The following RBM47 variants were observed in gnomAD, a reference collection of about 807,000 sequenced individuals.
The protein encoded by RBM47 is RNA binding motif protein 47, also known as RNA-binding protein 47.
Under a neutral mutation model 47.1 loss-of-function variants are expected in RBM47, and 21 were observed. The ratio of observed to expected loss-of-function variants is 0.45; its 90% CI spans 0.32 to 0.64. The LOEUF (loss-of-function observed/expected upper bound fraction) is 0.64. Among genes scored for constraint, RBM47 ranks in the 30% least tolerant of loss-of-function variants. RBM47 has a pLI of 0.05. For synonymous variants in RBM47, 375 were observed against 361.7 expected (o/e 1.04, Z -0.42); for missense variants, 708 against 870.9 (o/e 0.81, Z 2.35).
chr4:40,459,333 CAA>C (rs1428297576), intron 3 of RBM47, among the ~76,000 whole-genome samples: 1 of 152,182 alleles, frequency 6.6e-6, no homozygotes, highest in African/African-American at 2.4e-5. Flanking sequence ...GACAAAGCTA[CAA>C]AAAGAGTTTC....
intron 2 of RBM47, among the ~76,000 whole-genome samples, chr4:40,517,324 A>G (rs1725699377): frequency 2.0e-5 from 3 of 152,110 alleles, no homozygotes; most frequent in African/African-American, 7.2e-5. Context: ...TTTAGTAGAG[A>G]CAGGGTTTCA....
chr4:40,544,864 A>G (rs748975854), intron 1 of RBM47, among the ~76,000 whole-genome samples: 4 of 151,988 alleles, frequency 2.6e-5, no homozygotes, highest in African/African-American at 4.8e-5. Flanking sequence ...TAAGCCCAGG[A>G]ATTTGAGACC....
At chr4:40,604,546 G>A (rs1049760566) in intron 1 of RBM47, among the ~76,000 whole-genome samples, 21 of 152,190 alleles carry the variant, frequency 1.4e-4, no homozygotes, top group African/African-American at 4.6e-4. Context: ...AGGATTGCTT[G>A]AGCCTGGGAG....
chr4:40,432,631 G>A lies in RBM47; in HGVS notation c.1542+20C>T. On this transcript the variant is annotated intron_variant, in intron 6 of 6. Transcript: ENST00000295971. ...AGAGGCTTCACACACAAATGACAAT[G>A]CCTGCAATAAGAACTCTACCTGGAA... The A allele has an allele frequency of 3.1e-6, 5 of 1,610,202 alleles. No individual in the cohort carries two copies. The highest frequency in any genetic ancestry group is 4.2e-6 in the Non-Finnish European group (5 of 1,179,340).
intron 1 of RBM47, among the ~76,000 whole-genome samples, chr4:40,572,125 GT>G: frequency 1.3e-5 from 2 of 148,728 alleles, no homozygotes; most frequent in South Asian, 4.2e-4. Context: ...GGCTCACCCT[GT>G]AATCCCAGCA....
chr4:40,592,752 C>A (rs903880681), intron 1 of RBM47, among the ~76,000 whole-genome samples: 2 of 149,784 alleles, frequency 1.3e-5, no homozygotes, highest in African/African-American at 4.9e-5. Flanking sequence ...AGAGACAGGG[C>A]CTCGCTATGT....
intron 3 of RBM47, among the ~76,000 whole-genome samples, chr4:40,458,053 TCTC>T (rs1262894845): frequency 2.0e-5 from 3 of 152,224 alleles, no homozygotes; most frequent in Admixed American, 1.3e-4. Flanking sequence ...ATGCTAGTCT[TCTC>T]CTCCTAATTT....
At chr4:40,577,579 C>T (rs988586153) in intron 1 of RBM47, among the ~76,000 whole-genome samples, 1 of 151,782 alleles carries the variant, frequency 6.6e-6, no homozygotes, top group African/African-American at 2.4e-5. Context: ...CTATTTATTC[C>T]CTGTTCCAAT....
In RBM47 at chr4:40,467,819, C is replaced by A. The variant is rs376212307; in HGVS notation, c.-154-1120G>T. Among the ~76,000 whole-genome samples, 84 of 152,254 alleles carry A rather than the reference C, an allele frequency of 5.5e-4. 1 individual carries two copies. In the East Asian group the frequency reaches 0.013, roughly 24 times the overall value. ...AATATAATCTGCCTGATTTTCCAAA[C>A]TACAGAGAGCCCCCATCAAGCCAAC... On this transcript the variant is annotated intron_variant, in intron 2 of 6. Transcript: ENST00000295971.
In RBM47 at chr4:40,437,846, C is replaced by T. The variant is rs1172116267; in HGVS notation, c.1048G>A (p.Asp350Asn). ...AQQPSYVYSCDPYTLAYYGYP... is the reference protein window; with the variant it reads ...AQQPSYVYSCNPYTLAYYGYP... ...CCGTAGTAGGCCAGTGTGTAGGGGT[C>T]GCAGGAGTACACGTAGCTGGGCTGC... The change falls in exon 4 of 7, where the codon GAC becomes AAC. Residue 350 changes from aspartate (D) to asparagine (N), a missense_variant. By Grantham distance (23) the Asp-to-Asn change is conservative. Coordinates refer to ENST00000295971, the MANE Select transcript of RBM47 (RefSeq NM_001098634.2). 8.1e-6 allele frequency: 13 copies of T among 1,613,988 alleles called. No individual in the cohort carries two copies. Among genetic ancestry groups the T allele is most frequent in the Non-Finnish European group, 1.7e-6 (2 of 1,180,030 alleles).
At chr4:40,481,977 C>T (rs748977095) in intron 2 of RBM47, among the ~76,000 whole-genome samples, 24 of 152,290 alleles carry the variant, frequency 1.6e-4, no homozygotes, top group African/African-American at 5.3e-4. Context: ...TGTGCCACTG[C>T]GCCCGGCCAT....
chr4:40,611,971 T>G (rs1226908870), intron 1 of RBM47, among the ~76,000 whole-genome samples: 1 of 152,124 alleles, frequency 6.6e-6, no homozygotes, highest in Non-Finnish European at 1.5e-5. Context: ...CACGCAAGAC[T>G]CAGGCCTCTT....
chr4:40,581,898 C>T (rs1196837489), intron 1 of RBM47, among the ~76,000 whole-genome samples: 1 of 152,056 alleles, frequency 6.6e-6, no homozygotes, highest in Non-Finnish European at 1.5e-5. Context: ...GTGAGCAGCG[C>T]CTCAAGCTCA....
In RBM47 at chr4:40,566,725, T is replaced by A. The variant is rs563795938; in HGVS notation, c.-239-22219A>T. On this transcript the variant is annotated intron_variant, in intron 1 of 6. Transcript: ENST00000295971. ...ACTAGTGTATGCAAACCATTTCACC[T>A]CTCTGTAGCTCAGTTTCTTCATTTG... Among the ~76,000 whole-genome samples the A allele has an allele frequency of 4.7e-4, 72 of 151,998 alleles. 1 individual carries two copies. Among genetic ancestry groups the A allele is most frequent in the Non-Finnish European group, 8.7e-4 (59 of 67,894 alleles).
intron 1 of RBM47, among the ~76,000 whole-genome samples, chr4:40,624,788 T>C (rs115573418): frequency 0.01 from 1,535 of 152,116 alleles, 26 homozygotes; most frequent in African/African-American, 0.034. Flanking sequence ...CCAAGAACCA[T>C]GTTATTATTT....
intron 2 of RBM47, among the ~76,000 whole-genome samples, chr4:40,470,357 T>C (rs756591372): frequency 6.6e-6 from 1 of 152,150 alleles, no homozygotes; most frequent in Non-Finnish European, 1.5e-5. Context: ...CTGGTTTGTT[T>C]TAATGTTTTG....
At chr4:40,554,856 G>A (rs1448558695) in intron 1 of RBM47, among the ~76,000 whole-genome samples, 1 of 151,476 alleles carries the variant, frequency 6.6e-6, no homozygotes, top group Non-Finnish European at 1.5e-5. Flanking sequence ...CCACCTCCAG[G>A]GTTCAAGTGA....
At chr4:40,587,700 G>C (rs6829898) in intron 1 of RBM47, among the ~76,000 whole-genome samples, 1 of 151,970 alleles carries the variant, frequency 6.6e-6, no homozygotes, top group Non-Finnish European at 1.5e-5. Flanking sequence ...TCTCTATCTA[G>C]ATAATGGGCG....
rs551791784 is a variant in RBM47, at chr4:40,610,539, G to A, written c.-240+18857C>T. ...GCCAGCAAATGGCGTGAACCCGGGC[G>A]GTGGAGCTTGCAGTGAGCCGAGATC... is the stretch of plus-strand genomic sequence containing the variant. On this transcript the variant is annotated intron_variant, in intron 1 of 6. Coordinates refer to ENST00000295971, the MANE Select transcript of RBM47 (RefSeq NM_001098634.2). 9.3e-5 allele frequency among the ~76,000 whole-genome samples: 14 copies of A among 151,202 alleles called. No homozygotes were observed. The South Asian group carries it at 2.3e-3, about 25-fold the overall frequency.
Sources: allele counts gnomAD v4.1 joint callset (sites outside exome capture counted in the v4.1 genomes callset), GRCh38; gene constraint gnomAD v4.1.1; transcripts MANE v1.5; gene names NCBI Gene and HGNC (gene_info 2026-07-23, HGNC 2026-07-21).